Variants in GNPTAB observed in about 807,000 individuals in gnomAD.
The protein encoded by GNPTAB is N-acetylglucosamine-1-phosphate transferase subunits alpha and beta, also known as N-acetylglucosamine-1-phosphotransferase subunits alpha/beta.
GNPTAB carries 92 observed loss-of-function variants against 136.6 expected under a neutral mutation model. That is an observed-to-expected ratio of 0.67 (90% confidence interval 0.57 to 0.80). The LOEUF (loss-of-function observed/expected upper bound fraction) is 0.80. Among genes scored for constraint, GNPTAB ranks in the 30% least tolerant of loss-of-function variants. The pLI, the probability that GNPTAB is intolerant of heterozygous loss-of-function variation, is 0.00. For synonymous variants in GNPTAB, 512 were observed against 535.1 expected, an observed-to-expected ratio of 0.96 and a Z score of 0.60; for missense variants, 1,343 against 1,501.8, an observed-to-expected ratio of 0.89 and a Z score of 1.75.
chr12:101,800,604 CAAAAAAAAA>C (rs58129963), intron 1 of GNPTAB, among the ~76,000 whole-genome samples: 19 of 74,270 alleles, frequency 2.6e-4, no homozygotes, highest in African/African-American at 3.2e-4. Flanking sequence ...ACTAAAAATA[CAAAAAAAAA>C]AAAAAAAAAA....
intron 1 of GNPTAB, among the ~76,000 whole-genome samples, chr12:101,826,960 T>TG (rs1566104288): frequency 7.4e-6 from 1 of 135,026 alleles, no homozygotes. Context: ...GTTTTTTTTT[T>TG]TTTTTTTTTT....
chr12:101,771,243 T>C (rs1953169985), intron 7 of GNPTAB, 86 bp from the exon 8 acceptor site: 8 of 1,161,610 alleles, frequency 6.9e-6, no homozygotes, highest in Non-Finnish European at 9.9e-6. Flanking sequence ...TCTTTAATCT[T>C]TCCTTTTTTT....
chr12:101,770,508 C>G lies in GNPTAB; in HGVS notation c.1011G>C (p.Glu337Asp), dbSNP rs201199784. Residue 337 changes from glutamate to aspartate, a missense_variant, in exon 9 of 21, where the codon GAG (glutamate) becomes GAC (aspartate). Physicochemically the swap from Glu to Asp is conservative, Grantham distance 45. Transcript: ENST00000299314. ...EELRYSLRSI[E>D]RHAPWVRNIF... The stretch of plus-strand genomic sequence containing the variant: ...TATTCCGAACCCATGGTGCATGCCT[C>G]TCGATAGATCGCAATGAGTACCTCA... 2 of 1,613,232 alleles carry G rather than the reference C, an allele frequency of 1.2e-6. No homozygotes were observed. Among genetic ancestry groups the G allele is most frequent in the Admixed American group, 3.3e-5 (2 of 60,020 alleles).
At chr12:101,774,160 C>G (rs911322262) in intron 7 of GNPTAB, among the ~76,000 whole-genome samples, 1 of 152,108 alleles carries the variant, frequency 6.6e-6, no homozygotes, top group Middle Eastern at 3.2e-3. Flanking sequence ...GTGGCTGAGG[C>G]CAGGGCCTGG....
intron 1 of GNPTAB, among the ~76,000 whole-genome samples, chr12:101,826,227 G>A (rs1212963816): frequency 3.3e-5 from 5 of 152,140 alleles, no homozygotes; most frequent in African/African-American, 1.2e-4. Flanking sequence ...AGAGGTCACG[G>A]AAAAATTACC....
intron 11 of GNPTAB, among the ~76,000 whole-genome samples, chr12:101,767,742 C>T (rs1953115941): frequency 6.6e-6 from 1 of 152,270 alleles, no homozygotes; most frequent in South Asian, 2.1e-4. Flanking sequence ...CTTGCCTTAG[C>T]CTCCCAAGTA....
At chr12:101,801,711 G>T (rs1365330515) in intron 1 of GNPTAB, among the ~76,000 whole-genome samples, 2 of 151,764 alleles carry the variant, frequency 1.3e-5, no homozygotes, top group Non-Finnish European at 2.9e-5. Flanking sequence ...TAAAGTTAAA[G>T]GAGGCTGTAT....
intron 7 of GNPTAB, among the ~76,000 whole-genome samples, chr12:101,771,994 A>AC (rs1275254882): frequency 6.6e-6 from 1 of 152,238 alleles, no homozygotes; most frequent in Non-Finnish European, 1.5e-5. Flanking sequence ...TGGGAGGAGC[A>AC]CCTTCGGCAG....
At chr12:101,827,527 C>G (rs1041326697) in intron 1 of GNPTAB, among the ~76,000 whole-genome samples, 1 of 152,202 alleles carries the variant, frequency 6.6e-6, no homozygotes, top group South Asian at 2.1e-4. Context: ...TGAGCCACCT[C>G]ACCCAGCTTG....
rs186873259 is a variant in GNPTAB, at chr12:101,775,644, T to C, written c.772-4487A>G. Among the ~76,000 whole-genome samples, 525 of 152,156 alleles carry C rather than the reference T, an allele frequency of 3.5e-3. 1 individual carries two copies. The highest frequency in any genetic ancestry group is 5.3e-3 in the Non-Finnish European group (361 of 68,016). ...TCTCAAAGTGCTGGGATTACAGGCG[T>C]GAGCCACTATGCCCGGCCGCTACTA... On this transcript the variant is annotated intron_variant, in intron 7 of 20. Transcript: ENST00000299314.
intron 2 of GNPTAB, among the ~76,000 whole-genome samples, chr12:101,791,595 T>C (rs1868996392): frequency 6.6e-6 from 1 of 152,222 alleles, no homozygotes; most frequent in Admixed American, 6.5e-5. Flanking sequence ...GCAAATTTTC[T>C]TTAGATAGTG....
At position 101,770,434 on chromosome 12, in the gene GNPTAB, T is replaced by G. The variant is rs376023559; in HGVS notation, c.1085A>C (p.Asn362Thr). The G allele has an allele frequency of 6.2e-7, 1 of 1,613,624 alleles. No homozygotes were observed. The highest frequency in any genetic ancestry group is 2.2e-5 in the East Asian group (1 of 44,898). Reference sequence around the variant, plus strand: ...GTGTGTTACTATTGTCACTCGAGGATTGTCAAGGTTCAGCCAGGATGGAAT... The same window carrying G: ...GTGTGTTACTATTGTCACTCGAGGAGTGTCAAGGTTCAGCCAGGATGGAAT... Reference protein sequence around the residue: ...GQIPSWLNLDNPRVTIVTHQD... With the variant: ...GQIPSWLNLDTPRVTIVTHQD... The change falls in exon 9 of 21, where the codon AAT becomes ACT. Residue 362 changes from asparagine to threonine, a missense_variant. Asn to Thr is a moderately conservative substitution (Grantham distance 65, BLOSUM62 0). Transcript: ENST00000299314.
chr12:101,825,117 G>A (rs1313401914), intron 1 of GNPTAB, among the ~76,000 whole-genome samples: 2 of 152,182 alleles, frequency 1.3e-5, no homozygotes, highest in African/African-American at 2.4e-5. Flanking sequence ...CAATTGTTGT[G>A]TACTAACTCA....
At chr12:101,758,253 G>T (rs1179581144) in intron 16 of GNPTAB, among the ~76,000 whole-genome samples, 2 of 152,280 alleles carry the variant, frequency 1.3e-5, no homozygotes, top group East Asian at 3.9e-4. Context: ...TAGCTAGGCT[G>T]GTCTCGAACT....
At chr12:101,804,269 T>G (rs1215598262) in intron 1 of GNPTAB, among the ~76,000 whole-genome samples, 1 of 149,102 alleles carries the variant, frequency 6.7e-6, no homozygotes, top group Non-Finnish European at 1.5e-5. Context: ...CTCTACTATA[T>G]AAAAGTCATA....
In GNPTAB at chr12:101,798,710, T is replaced by C. The variant is rs578158432; in HGVS notation, c.118-1948A>G. On this transcript the variant is annotated intron_variant, in intron 1 of 20. Transcript: ENST00000299314. Reference sequence around the variant, plus strand: ...TAATTTTGTACCCATCTCCTGTTACTATTGCAGCGAGCTCACATGTTGCGA... The same window carrying C: ...TAATTTTGTACCCATCTCCTGTTACCATTGCAGCGAGCTCACATGTTGCGA... 4.9e-4 allele frequency among the ~76,000 whole-genome samples: 74 copies of C among 152,358 alleles called. 2 individuals carry two copies. In the South Asian group the frequency reaches 0.015, roughly 30 times the overall value.
At position 101,746,330 on chromosome 12, in the gene GNPTAB, T is replaced by C. The variant is rs1952734012; in HGVS notation, c.*834A>G. 2 of 152,250 alleles carry C rather than the reference T, an allele frequency of 1.3e-5. No homozygotes were observed. Among genetic ancestry groups the C allele is most frequent in the Admixed American group, 1.3e-4 (2 of 15,286 alleles). 9.4% of individuals were successfully genotyped at this position (152,250 alleles called of 1,614,324 possible). A position where few individuals can be genotyped will look rare whatever the true frequency, so the allele number is the denominator to read the frequency against. Reference sequence around the variant, plus strand: ...AGCTACTGGAATATACCAATGAGTATTAAACAAGACACCACTGTAATGTGC... The same window carrying C: ...AGCTACTGGAATATACCAATGAGTACTAAACAAGACACCACTGTAATGTGC... On this transcript the variant is annotated 3_prime_UTR_variant, in exon 21 of 21. Transcript: ENST00000299314.
chr12:101,782,816 G>A (rs1262751303), intron 5 of GNPTAB, among the ~76,000 whole-genome samples: 1 of 152,072 alleles, frequency 6.6e-6, no homozygotes, highest in African/African-American at 2.4e-5. Flanking sequence ...TAGCCTCCTG[G>A]CTTTTCTTCA....
chr12:101,821,467 T>C (rs541488086), intron 1 of GNPTAB, among the ~76,000 whole-genome samples: 8 of 152,296 alleles, frequency 5.3e-5, no homozygotes, highest in African/African-American at 1.9e-4. Context: ...GCTGTGCATG[T>C]AAAAATAAGT....
Sources: gnomAD v4.1 joint callset for allele counts (sites outside exome capture counted in the v4.1 genomes callset) on GRCh38, gnomAD v4.1.1 for gene constraint, MANE v1.5 for transcripts, NCBI Gene and HGNC (gene_info 2026-07-23, HGNC 2026-07-21) for gene names.